Variants in PPP6R2 observed in about 807,000 individuals in gnomAD.
The protein encoded by PPP6R2 is protein phosphatase 6 regulatory subunit 2, also known as serine/threonine-protein phosphatase 6 regulatory subunit 2.
In PPP6R2, 62 loss-of-function variants were observed where a neutral mutation model predicts 100.2. The observed-to-expected ratio is 0.62, with a 90% CI of 0.50 to 0.76. PPP6R2 has a LOEUF of 0.76. PPP6R2 is among the 30% of genes least tolerant of loss of function. The probability of loss-of-function intolerance (pLI) is 0.00; values close to 1 mark genes in which losing one functional copy is unlikely to be tolerated. For synonymous variants in PPP6R2, 525 were observed against 514.7 expected (o/e 1.02, Z -0.27); for missense variants, 1,142 against 1,276.3 (o/e 0.89, Z 1.60).
chr22:50,376,790 A>G (rs2051672425), intron 2 of PPP6R2, among the ~76,000 whole-genome samples: 1 of 152,164 alleles, frequency 6.6e-6, no homozygotes, highest in African/African-American at 2.4e-5. Flanking sequence ...CTGTAATCCC[A>G]GCAGTTTGGG....
chr22:50,331,599 G>A, the PPP6R2 span, among the ~76,000 whole-genome samples: 4 of 141,436 alleles, frequency 2.8e-5, no homozygotes, highest in Non-Finnish European at 6.3e-5. Flanking sequence ...AAATGTTTAT[G>A]CAGCTTTTTT....
At chr22:50,401,507 A>ATT (rs756082193) in intron 3 of PPP6R2, among the ~76,000 whole-genome samples, 34 of 112,918 alleles carry the variant, frequency 3.0e-4, no homozygotes, top group South Asian at 1.6e-3. Flanking sequence ...CGCCAGGCCA[A>ATT]TTTTTTTTTT....
chr22:50,351,413 C>G (rs2045232682), intron 1 of PPP6R2, among the ~76,000 whole-genome samples: 2 of 149,470 alleles, frequency 1.3e-5, no homozygotes, highest in Admixed American at 1.4e-4. Context: ...AAGTCACCAG[C>G]TGCATTAGCG....
Position 50,362,393 on chromosome 22 carries a change from G to T in PPP6R2, c.-147-9627G>T, listed in dbSNP as rs554798657. On this transcript the variant is annotated intron_variant, in intron 1 of 23. Transcript: ENST00000612753. Reference sequence around the variant, plus strand: ...GAGACTTTGGTGGGAGACCAGCTGGGCCTCCGCTGCTGGGAGGAGAATTGC... The same window carrying T: ...GAGACTTTGGTGGGAGACCAGCTGGTCCTCCGCTGCTGGGAGGAGAATTGC... 3.9e-5 allele frequency among the ~76,000 whole-genome samples: 6 copies of T among 152,318 alleles called. No individual in the cohort carries two copies. The South Asian group carries it at 1.2e-3, about 32-fold the overall frequency.
At chr22:50,358,829 A>T (rs370293553) in intron 1 of PPP6R2, among the ~76,000 whole-genome samples, 2 of 152,104 alleles carry the variant, frequency 1.3e-5, no homozygotes, top group Non-Finnish European at 2.9e-5. Context: ...TCTCCATTCA[A>T]TTCCATTGGA....
chr22:50,339,080 GGTGTGTGGT>G (rs1357748371), upstream of PPP6R2, among the ~76,000 whole-genome samples: 2 of 139,650 alleles, frequency 1.4e-5, no homozygotes, highest in African/African-American at 2.7e-5. Flanking sequence ...TGTGGTATGT[GGTGTGTGGT>G]GTGTGTGGTA....
intron 3 of PPP6R2, among the ~76,000 whole-genome samples, chr22:50,400,250 A>T (rs1193002986): frequency 6.6e-6 from 1 of 152,216 alleles, no homozygotes; most frequent in Admixed American, 6.5e-5. Context: ...TTCCTGGGCC[A>T]CTGACCATCC....
chr22:50,419,280 G>T, intron 7 of PPP6R2, 69 bp from the exon 8 acceptor site: 2 of 1,391,778 alleles, frequency 1.4e-6, no homozygotes, highest in South Asian at 2.4e-5. Context: ...CGGGGAGGAA[G>T]GAGCATCCTT....
chr22:50,365,547 C>T (rs191107069), intron 1 of PPP6R2, among the ~76,000 whole-genome samples: 128 of 151,682 alleles, frequency 8.4e-4, no homozygotes, highest in East Asian at 4.0e-3. Context: ...GGCGTGGTGG[C>T]GGGCGCCTGT....
At chr22:50,409,449 G>C (rs1420148663) in intron 4 of PPP6R2, among the ~76,000 whole-genome samples, 1 of 151,164 alleles carries the variant, frequency 6.6e-6, no homozygotes, top group African/African-American at 2.4e-5. Context: ...ATTTTTTTGA[G>C]GCAGAGTCTT....
chr22:50,343,223 G>A (rs1391305863), upstream of PPP6R2: 1 of 151,138 alleles, frequency 6.6e-6, no homozygotes, highest in Admixed American at 6.6e-5. Flanking sequence ...CGGAGAGCCG[G>A]CCCAGGTCCC....
In PPP6R2 at chr22:50,439,800, C is replaced by T. The variant is rs778895652; in HGVS notation, c.2228C>T (p.Thr743Ile). 1.2e-6 allele frequency: 2 copies of T among 1,613,874 alleles called. No individual in the cohort carries two copies. Among genetic ancestry groups the T allele is most frequent in the East Asian group, 2.2e-5 (1 of 44,880 alleles). ...GGTTCCAGTGTGTGGGCAGCTGGCA[C>T]CTCAGCTCCAGAGGAGAAAGGCTGG... ...DVGSSVWAAGTSAPEEKGWAK... is the reference protein window; with the variant it reads ...DVGSSVWAAGISAPEEKGWAK... Residue 743 changes from threonine (T) to isoleucine (I), a missense_variant, in exon 20 of 24, where the codon ACC (threonine) becomes ATC (isoleucine). Thr to Ile is a moderately conservative substitution (Grantham distance 89, BLOSUM62 -1). Transcript: ENST00000612753.
intron 3 of PPP6R2, among the ~76,000 whole-genome samples, chr22:50,398,071 G>A (rs536851213): frequency 2.0e-4 from 31 of 152,170 alleles, no homozygotes; most frequent in African/African-American, 5.3e-4. Flanking sequence ...GGTGGCTCAC[G>A]CTGGTAATCC....
intron 1 of PPP6R2, among the ~76,000 whole-genome samples, chr22:50,370,756 C>T (rs2050012841): frequency 6.6e-6 from 1 of 151,988 alleles, no homozygotes; most frequent in Non-Finnish European, 1.5e-5. Flanking sequence ...GCCTCAGCCT[C>T]CCGAGTAGCT....
At chr22:50,413,519 C>T (rs58925645) in intron 4 of PPP6R2, among the ~76,000 whole-genome samples, 29,257 of 152,008 alleles carry the variant, frequency 0.19, 3,101 homozygotes, top group East Asian at 0.24. Flanking sequence ...AAACTACAAA[C>T]CTCTCATAAT....
intron 3 of PPP6R2, among the ~76,000 whole-genome samples, chr22:50,400,505 G>A (rs528267114): frequency 5.9e-5 from 9 of 152,226 alleles, no homozygotes; most frequent in Admixed American, 2.6e-4. Context: ...CAAGCTCCTG[G>A]CTCACGTGTG....
chr22:50,333,339 C>CTTTTTTT, the PPP6R2 span, among the ~76,000 whole-genome samples: 1 of 140,616 alleles, frequency 7.1e-6, no homozygotes, highest in Admixed American at 7.2e-5. Flanking sequence ...TGTTCTTTTT[C>CTTTTTTT]TTTTTTTTTT....
chr22:50,372,552 AC>A (rs1389062487), intron 2 of PPP6R2, among the ~76,000 whole-genome samples: 2 of 151,874 alleles, frequency 1.3e-5, no homozygotes, highest in African/African-American at 4.8e-5. Context: ...CTGTTTCAAA[AC>A]AAAACAAAAC....
At chr22:50,430,105 T>TG (rs2062860063) in intron 10 of PPP6R2, among the ~76,000 whole-genome samples, 1 of 152,194 alleles carries the variant, frequency 6.6e-6, no homozygotes, top group African/African-American at 2.4e-5. Flanking sequence ...GAGACGGCAG[T>TG]GGGGGGCGAG....
Sources: allele counts gnomAD v4.1 joint callset (sites outside exome capture counted in the v4.1 genomes callset), GRCh38; gene constraint gnomAD v4.1.1; transcripts MANE v1.5; gene names NCBI Gene and HGNC (gene_info 2026-07-23, HGNC 2026-07-21).